Variants in TOP1 observed in about 807,000 individuals in gnomAD.
TOP1 encodes the protein DNA topoisomerase 1.
A neutral mutation model predicts 111.1 loss-of-function variants in TOP1; 10 were observed. The observed-to-expected ratio is 0.09, with a 90% CI of 0.06 to 0.15. The LOEUF (loss-of-function observed/expected upper bound fraction) is 0.15. TOP1 is among the 10% of genes least tolerant of loss of function. TOP1 has a pLI of 1.00. For synonymous variants in TOP1, 271 were observed against 302.9 expected, an observed-to-expected ratio of 0.89 and a Z score of 1.10; for missense variants, 474 against 926.7, an observed-to-expected ratio of 0.51 and a Z score of 6.34.
chr20:41,121,534 T>C lies in TOP1; in HGVS notation c.1951-162T>C, dbSNP rs1191698391. Among the ~76,000 whole-genome samples the C allele has an allele frequency of 6.6e-6, 1 of 152,188 alleles. No homozygotes were observed. Among genetic ancestry groups the C allele is most frequent in the East Asian group, 1.9e-4 (1 of 5,192 alleles). On this transcript the variant is annotated intron_variant, in intron 18 of 20. Coordinates refer to ENST00000361337, the MANE Select transcript of TOP1 (RefSeq NM_003286.4). This position sits in a 1 kb window ranked among gnomAD's most constrained non-coding sequence, Gnocchi z 4.2. ...ACAAATAGTTGAATTCACTAGTCCTTGTGCATCTTCTCCCTGCCTTCATGA... is the reference window on the plus strand; with the variant it reads ...ACAAATAGTTGAATTCACTAGTCCTCGTGCATCTTCTCCCTGCCTTCATGA...
Position 41,112,737 on chromosome 20 carries a change from T to C in TOP1, c.1309-45T>C. The C allele has an allele frequency of 6.2e-7, 1 of 1,608,012 alleles. No individual in the cohort carries two copies. The highest frequency in any genetic ancestry group is 1.1e-5 in the South Asian group (1 of 90,184). On this transcript the variant is annotated intron_variant, in intron 13 of 20. Transcript: ENST00000361337. The surrounding 1 kb of genome is among the most constrained non-coding windows in gnomAD (Gnocchi z 5.8). ...GGCTATATTCAAAGTCTGTCTTTACTACACTGTCCCAAAGTAATCTACATT... is the reference window on the plus strand; with the variant it reads ...GGCTATATTCAAAGTCTGTCTTTACCACACTGTCCCAAAGTAATCTACATT...
At chr20:41,040,209 A>G (rs2033243810) in intron 2 of TOP1, among the ~76,000 whole-genome samples, 1 of 152,254 alleles carries the variant, frequency 6.6e-6, no homozygotes, top group Non-Finnish European at 1.5e-5. Flanking sequence ...TGGGTAATAC[A>G]TAAAAGCTGT....
chr20:41,056,998 C>T (rs888537306), intron 2 of TOP1, among the ~76,000 whole-genome samples: 4 of 152,124 alleles, frequency 2.6e-5, no homozygotes, highest in African/African-American at 7.2e-5. Context: ...CAGTGGCTCA[C>T]GCCTGTGATC....
intron 2 of TOP1, among the ~76,000 whole-genome samples, chr20:41,056,073 C>T (rs137903669): frequency 5.9e-5 from 9 of 152,276 alleles, no homozygotes; most frequent in East Asian, 5.8e-4. Context: ...TGTCTATCCC[C>T]GTATCCCTTG....
At chr20:41,119,910 T>C (rs1005043894) in intron 18 of TOP1, among the ~76,000 whole-genome samples, 17 of 152,252 alleles carry the variant, frequency 1.1e-4, no homozygotes, top group Non-Finnish European at 1.9e-4. Flanking sequence ...AATAAAAGCA[T>C]GAATATTCAG....
intron 2 of TOP1, among the ~76,000 whole-genome samples, chr20:41,039,764 C>T (rs949462563): frequency 6.6e-5 from 10 of 152,046 alleles, no homozygotes; most frequent in African/African-American, 2.4e-4. Flanking sequence ...AAAAACTAGC[C>T]GGGCGTGGTG....
At chr20:41,076,612 G>T (rs115293151) in intron 4 of TOP1, among the ~76,000 whole-genome samples, 1 of 152,164 alleles carries the variant, frequency 6.6e-6, no homozygotes, top group Admixed American at 6.5e-5. Flanking sequence ...TTCATTAAAG[G>T]TTCTTCCCGA....
At chr20:41,068,064 C>T (rs1482370734) in intron 3 of TOP1, among the ~76,000 whole-genome samples, 1 of 152,136 alleles carries the variant, frequency 6.6e-6, no homozygotes, top group East Asian at 1.9e-4. Flanking sequence ...GTGAAAAATA[C>T]CTCCCTGTGT....
intron 8 of TOP1, among the ~76,000 whole-genome samples, chr20:41,091,506 T>C (rs1294739846): frequency 1.3e-5 from 2 of 152,012 alleles, no homozygotes; most frequent in African/African-American, 4.8e-5. Flanking sequence ...TGCAACCAAC[T>C]TTGAAAATGG....
intron 3 of TOP1, among the ~76,000 whole-genome samples, chr20:41,066,719 T>C (rs1174947614): frequency 2.0e-5 from 3 of 151,882 alleles, no homozygotes; most frequent in Admixed American, 1.3e-4. Flanking sequence ...CATGCCCCGC[T>C]AATTTTTTAT....
intron 4 of TOP1, among the ~76,000 whole-genome samples, 153 bp downstream of exon 4, chr20:41,076,447 T>C (rs151318393): frequency 1.3e-5 from 2 of 152,348 alleles, no homozygotes; most frequent in African/African-American, 2.4e-5. Context: ...TCTTAAACTA[T>C]AAAAACTAAG....
Position 41,058,345 on chromosome 20 carries a change from A to G in TOP1, c.59-3049A>G, listed in dbSNP as rs770311790. Among the ~76,000 whole-genome samples the G allele has an allele frequency of 3.9e-5, 6 of 152,374 alleles. No homozygotes were observed. Among genetic ancestry groups the G allele is most frequent in the Middle Eastern group, 3.4e-3 (1 of 294 alleles). On this transcript the variant is annotated intron_variant, in intron 2 of 20. Coordinates refer to ENST00000361337, the MANE Select transcript of TOP1 (RefSeq NM_003286.4). This position sits in a 1 kb window ranked among gnomAD's most constrained non-coding sequence, Gnocchi z 4.2. ...TTTTCTCATGTAGTTCCTGTGAGTC[A>G]GGAATCCAGACATAGTTTATCTGGG...
Position 41,029,290 on chromosome 20 carries a change from G to T in TOP1, c.34-141G>T. The stretch of plus-strand genomic sequence containing the variant: ...GGCCGCGAAGTTACAGTTCGAGGCA[G>T]GGATGGCTGCCCTCTGTGGCCACCC... On this transcript the variant is annotated intron_variant, in intron 1 of 20. Transcript: ENST00000361337. This position sits in a 1 kb window ranked among gnomAD's most constrained non-coding sequence, Gnocchi z 6.1. 2.4e-6 allele frequency: 2 copies of T among 819,760 alleles called. No homozygotes were observed. Among genetic ancestry groups the T allele is most frequent in the East Asian group, 3.1e-5 (1 of 31,938 alleles). 50.8% of individuals were successfully genotyped at this position (819,760 alleles called of 1,614,324 possible). A position where few individuals can be genotyped will look rare whatever the true frequency, so the allele number is the denominator to read the frequency against.
rs962865990 is a variant in TOP1, at chr20:41,073,180, C to T, written c.156-2991C>T. On this transcript the variant is annotated intron_variant, in intron 3 of 20. Transcript: ENST00000361337. Reference sequence around the variant, plus strand: ...GCTGAAAACCGCAGGGCTACATGTACACTTGTAGGTACCTATGTTGTGATT... The same window carrying T: ...GCTGAAAACCGCAGGGCTACATGTATACTTGTAGGTACCTATGTTGTGATT... 5 of 985,076 alleles carry T rather than the reference C, an allele frequency of 5.1e-6. No individual in the cohort carries two copies. The African/African-American group carries it at 7.0e-5, about 14-fold the overall frequency. 61.0% of individuals were successfully genotyped at this position (985,076 alleles called of 1,614,324 possible).
In TOP1 at chr20:41,102,222, CTG is replaced by C. The variant is rs1484856967; in HGVS notation, c.1308+871_1308+872del. The stretch of plus-strand genomic sequence containing the variant: ...GGCTATGTGAATAGGCAAGACTAAA[CTG>C]TACATTTTCTGGCTTGTAGCCCTGT... On this transcript the variant is annotated intron_variant, in intron 13 of 20. Coordinates refer to ENST00000361337, the MANE Select transcript of TOP1 (RefSeq NM_003286.4). The surrounding 1 kb of genome is among the most constrained non-coding windows in gnomAD (Gnocchi z 4.0). 6.6e-6 allele frequency among the ~76,000 whole-genome samples: 1 copy of C among 152,218 alleles called. No individual in the cohort carries two copies. Among genetic ancestry groups the C allele is most frequent in the Non-Finnish European group, 1.5e-5 (1 of 68,048 alleles).
At chr20:41,081,283 G>A (rs2033785509) in intron 7 of TOP1, 43 bp downstream of exon 7, 15 of 1,560,786 alleles carry the variant, frequency 9.6e-6, no homozygotes, top group African/African-American at 1.4e-5. Flanking sequence ...GAGTTTGGAA[G>A]TGGGAGTTTT....
At chr20:41,073,104 T>G in intron 3 of TOP1, 6 of 985,310 alleles carry the variant, frequency 6.1e-6, no homozygotes, top group Non-Finnish European at 7.2e-6. Context: ...GCCTTGTCAT[T>G]TGTTGATTCC....
At position 41,067,744 on chromosome 20, in the gene TOP1, G is replaced by T. The variant is rs2033624866; in HGVS notation, c.155+6254G>T. Among the ~76,000 whole-genome samples, 1 of 152,170 alleles carries T rather than the reference G, an allele frequency of 6.6e-6. No homozygotes were observed. The highest frequency in any genetic ancestry group is 6.5e-5 in the Admixed American group (1 of 15,286). The stretch of plus-strand genomic sequence containing the variant: ...TCATCAGGCTATACTTAGGACCCAA[G>T]CCCAGGAGGCATTTACTGTCCTGTG... On this transcript the variant is annotated intron_variant, in intron 3 of 20. Transcript: ENST00000361337. This position sits in a 1 kb window ranked among gnomAD's most constrained non-coding sequence, Gnocchi z 4.0.
At chr20:41,088,375 A>G (rs1292318705) in intron 8 of TOP1, among the ~76,000 whole-genome samples, 1 of 152,098 alleles carries the variant, frequency 6.6e-6, no homozygotes, top group Non-Finnish European at 1.5e-5. Flanking sequence ...GGTGGCGGGC[A>G]CCTGTCGTCC....
Sources: gnomAD v4.1 joint callset for allele counts (sites outside exome capture counted in the v4.1 genomes callset) on GRCh38, gnomAD v4.1.1 for gene constraint, Gnocchi (gnomAD v3.1) non-coding constraint, MANE v1.5 for transcripts, NCBI Gene and HGNC (gene_info 2026-07-23, HGNC 2026-07-21) for gene names.